Variants in WWOX observed in about 807,000 individuals in gnomAD.
WWOX encodes WW domain-containing oxidoreductase.
Under a neutral mutation model 46.2 loss-of-function variants are expected in WWOX, and 69 were observed. That is an observed-to-expected ratio of 1.49 (90% confidence interval 1.23 to 1.82). The LOEUF is 1.82. Ranked by LOEUF, WWOX falls within the 40% of genes most tolerant of loss-of-function variation. The pLI, the probability that WWOX is intolerant of heterozygous loss-of-function variation, is 0.00. For missense variants in WWOX, 919 were observed against 542.6 expected (o/e 1.69, Z -6.89); for synonymous variants, 359 against 202.6 (o/e 1.77, Z -6.56).
intron 8 of WWOX, among the ~76,000 whole-genome samples, chr16:79,034,546 T>C (rs2047828859): frequency 6.6e-6 from 1 of 152,230 alleles, no homozygotes; most frequent in South Asian, 2.1e-4. Flanking sequence ...GGAGACTGGC[T>C]TCCCCAATGC....
At chr16:78,297,689 A>G (rs1302002361) in intron 5 of WWOX, among the ~76,000 whole-genome samples, 1 of 152,194 alleles carries the variant, frequency 6.6e-6, no homozygotes, top group Non-Finnish European at 1.5e-5. Flanking sequence ...GCAGTGTAGC[A>G]TTATTTTGTA....
chr16:78,400,397 C>T (rs886368053), intron 6 of WWOX, among the ~76,000 whole-genome samples: 2 of 152,146 alleles, frequency 1.3e-5, no homozygotes, highest in South Asian at 2.1e-4. Context: ...GGCGGTTCCC[C>T]AGCTTGGCTG....
At chr16:78,528,050 G>C (rs1290301890) in intron 8 of WWOX, among the ~76,000 whole-genome samples, 3 of 128,014 alleles carry the variant, frequency 2.3e-5, no homozygotes, top group Admixed American at 9.3e-5. Flanking sequence ...CCAGGCTGGA[G>C]TGCAGTGGCG....
At chr16:78,301,439 T>C (rs2080039708) in intron 5 of WWOX, among the ~76,000 whole-genome samples, 1 of 152,190 alleles carries the variant, frequency 6.6e-6, no homozygotes, top group African/African-American at 2.4e-5. Context: ...TTTTCTTTCA[T>C]TGAGGAAACT....
intron 8 of WWOX, among the ~76,000 whole-genome samples, chr16:78,854,847 G>T (rs1431831494): frequency 1.3e-5 from 2 of 151,482 alleles, no homozygotes; most frequent in Non-Finnish European, 2.9e-5. Flanking sequence ...CTCCCAAAGT[G>T]CTGGGATTAG....
rs563956129 is a variant in WWOX, at chr16:78,637,941, G to A, written c.1056+205189G>A. ...TCCTTCCTCTGAGTTGGGGGAAGGG[G>A]TCTCCATGGTTTCTTCTACCAGGTA... On this transcript the variant is annotated intron_variant, in intron 8 of 8. Transcript: ENST00000566780. 7.2e-5 allele frequency among the ~76,000 whole-genome samples: 11 copies of A among 152,204 alleles called. No individual in the cohort carries two copies. The South Asian group carries it at 2.1e-3, about 29-fold the overall frequency.
chr16:78,652,408 CAAAAAAAAAA>C lies in WWOX; in HGVS notation c.1056+219670_1056+219679del, dbSNP rs747993811. On this transcript the variant is annotated intron_variant, in intron 8 of 8. Transcript: ENST00000566780. ...TGGGTGACAGAGCGAGACTCCGTCT[CAAAAAAAAAA>C]AAAAAAAAAAAAAGAAAAAGAAAAA... is the stretch of plus-strand genomic sequence containing the variant. Among the ~76,000 whole-genome samples, 412 of 107,488 alleles carry C rather than the reference CAAAAAAAAAA, an allele frequency of 3.8e-3. 3 individuals are homozygous for C. Among genetic ancestry groups the C allele is most frequent in the African/African-American group, 0.018 (398 of 21,534 alleles). The allele number at this position is 107,488 out of a possible 152,430, so 70.5% of individuals were successfully genotyped here.
intron 8 of WWOX, among the ~76,000 whole-genome samples, chr16:78,788,752 A>T (rs1344605926): frequency 6.6e-6 from 1 of 152,148 alleles, no homozygotes; most frequent in Non-Finnish European, 1.5e-5. Flanking sequence ...GGGAACTTCC[A>T]CCTGAAGCCC....
intron 8 of WWOX, among the ~76,000 whole-genome samples, chr16:78,555,131 T>G (rs2044263451): frequency 6.7e-6 from 1 of 150,204 alleles, no homozygotes; most frequent in South Asian, 2.1e-4. Context: ...TCTCTCTGTC[T>G]TTTTCTCTTT....
intron 8 of WWOX, among the ~76,000 whole-genome samples, chr16:79,073,487 T>C (rs987635655): frequency 6.6e-6 from 1 of 152,112 alleles, no homozygotes; most frequent in Admixed American, 6.5e-5. Context: ...GCTTTGTTAT[T>C]ATAGAGTTAT....
At chr16:79,186,152 CTG>C (rs1362226881) in intron 8 of WWOX, among the ~76,000 whole-genome samples, 1 of 152,116 alleles carries the variant, frequency 6.6e-6, no homozygotes, top group Non-Finnish European at 1.5e-5. Flanking sequence ...ACATCCAGGA[CTG>C]TGCTGACTTA....
intron 4 of WWOX, among the ~76,000 whole-genome samples, chr16:78,145,448 G>C (rs1371265812): frequency 6.6e-6 from 1 of 152,102 alleles, no homozygotes; most frequent in African/African-American, 2.4e-5. Flanking sequence ...GATGTTCCAG[G>C]GCAGGAAGGA....
At chr16:78,976,588 A>G (rs1567453435) in intron 8 of WWOX, among the ~76,000 whole-genome samples, 1 of 152,200 alleles carries the variant, frequency 6.6e-6, no homozygotes, top group East Asian at 1.9e-4. Context: ...GCAGCTGCGA[A>G]AAGCATGGCG....
At chr16:78,440,659 C>G (rs923223356) in intron 8 of WWOX, among the ~76,000 whole-genome samples, 2 of 151,032 alleles carry the variant, frequency 1.3e-5, no homozygotes, top group African/African-American at 4.9e-5. Context: ...CTCCGTTGCC[C>G]GGATTGGAGT....
chr16:78,410,421 T>C lies in WWOX; in HGVS notation c.606-14449T>C, dbSNP rs73571053. On this transcript the variant is annotated intron_variant, in intron 6 of 8. Transcript: ENST00000566780. ...GGATGTGGACTTCTTTGGGGGACTT[T>C]TATTTTTCCCAGTTACTATTTTTGT... 9.8e-3 allele frequency among the ~76,000 whole-genome samples: 1,490 copies of C among 152,208 alleles called. 22 individuals carry two copies. Among genetic ancestry groups the C allele is most frequent in the African/African-American group, 0.033 (1,356 of 41,520 alleles).
chr16:78,265,526 A>G (rs1239741533), intron 5 of WWOX, among the ~76,000 whole-genome samples: 4 of 151,880 alleles, frequency 2.6e-5, no homozygotes, highest in African/African-American at 9.7e-5. Context: ...TAAAAATACA[A>G]AATTAGCCGG....
chr16:78,682,947 C>T (rs938727706), intron 8 of WWOX, among the ~76,000 whole-genome samples: 1 of 152,002 alleles, frequency 6.6e-6, no homozygotes, highest in Non-Finnish European at 1.5e-5. Context: ...TGAGTGATTT[C>T]CCCGCGTAAA....
intron 8 of WWOX, among the ~76,000 whole-genome samples, chr16:79,091,779 G>GTTTTTTTTTTTTTTTT (rs11329411): frequency 9.2e-6 from 1 of 109,130 alleles, no homozygotes; most frequent in African/African-American, 3.7e-5. Flanking sequence ...TCTTTTCTTT[G>GTTTTTTTTTTTTTTTT]TTTTTTTTTT....
At chr16:78,712,922 A>G (rs1442413911) in intron 8 of WWOX, among the ~76,000 whole-genome samples, 3 of 152,100 alleles carry the variant, frequency 2.0e-5, no homozygotes, top group Non-Finnish European at 4.4e-5. Context: ...TTTTCATAAG[A>G]AAATATTATT....
Sources: gnomAD v4.1 joint callset for allele counts (sites outside exome capture counted in the v4.1 genomes callset) on GRCh38, gnomAD v4.1.1 for gene constraint, MANE v1.5 for transcripts, NCBI Gene and HGNC (gene_info 2026-07-23, HGNC 2026-07-21) for gene names.